Variants in ODF2 observed in about 807,000 individuals in gnomAD.
ODF2 encodes outer dense fiber protein 2.
In ODF2, 47 loss-of-function variants were observed where a neutral mutation model predicts 110.2. That is an observed-to-expected ratio of 0.43 (90% CI 0.34 to 0.54). ODF2 has a LOEUF of 0.54. ODF2 is among the 20% of genes least tolerant of loss of function. ODF2 has a pLI of 0.03. For synonymous variants in ODF2, 352 were observed against 397.7 expected, an observed-to-expected ratio of 0.89 and a Z score of 1.37; for missense variants, 812 against 1,054.5, an observed-to-expected ratio of 0.77 and a Z score of 3.19.
At chr9:128,467,267 T>A (rs998681009) in intron 4 of ODF2, among the ~76,000 whole-genome samples, 2 of 151,002 alleles carry the variant, frequency 1.3e-5, no homozygotes, top group African/African-American at 2.4e-5. Context: ...ACTAACACAA[T>A]GGTAAGTATT....
intron 1 of ODF2, chr9:128,457,099 G>A (rs1028852140): frequency 2.2e-6 from 3 of 1,375,378 alleles, no homozygotes; most frequent in East Asian, 3.4e-5. Flanking sequence ...GGACCCGGGC[G>A]CGGTGGTCCT....
At chr9:128,469,243 C>T (rs1410026270) in exon 5 of ODF2, 3 of 1,614,052 alleles carry the variant, frequency 1.9e-6, no homozygotes, top group Non-Finnish European at 2.5e-6. Flanking sequence ...CTCAGTGATG[C>T]GGTTAAGTGA....
At chr9:128,466,353 G>C (rs1167703684) in intron 4 of ODF2, among the ~76,000 whole-genome samples, 1 of 151,768 alleles carries the variant, frequency 6.6e-6, no homozygotes. Flanking sequence ...TGTGGTCCCA[G>C]CTACTTGGGA....
chr9:128,460,591 T>C (rs1206986951), intron 3 of ODF2: 3 of 1,613,992 alleles, frequency 1.9e-6, no homozygotes, highest in Non-Finnish European at 2.5e-6. Flanking sequence ...CCCCCTTACA[T>C]GTTCACGTGG....
chr9:128,497,056 G>A (rs1046647437), intron 18 of ODF2, among the ~76,000 whole-genome samples: 2 of 152,044 alleles, frequency 1.3e-5, no homozygotes, highest in African/African-American at 4.8e-5. Flanking sequence ...GTGGTGGTGT[G>A]AGTCTTCAAT....
At chr9:128,469,446 G>T in intron 5 of ODF2, 93 bp downstream of exon 5, 1 of 1,381,164 alleles carries the variant, frequency 7.2e-7, no homozygotes, top group Non-Finnish European at 1.0e-6. Flanking sequence ...GCCTGCGTCT[G>T]CAGGCCTTCA....
rs532215377 is a variant in ODF2 at position 128,467,825 on chromosome 9, A to G, written c.250-1358A>G. 3.0e-4 allele frequency among the ~76,000 whole-genome samples: 45 copies of G among 152,028 alleles called. 1 individual carries two copies. Among genetic ancestry groups the G allele is most frequent in the African/African-American group, 1.1e-3 (44 of 41,508 alleles). On this transcript the variant is annotated intron_variant, in intron 4 of 20. Transcript: ENST00000604420. Reference sequence around the variant, plus strand: ...CATATATGCATTTTAAAATATTTAAAAAAATATTTAAAAAGCTGAGACTAC... The same window carrying G: ...CATATATGCATTTTAAAATATTTAAGAAAATATTTAAAAAGCTGAGACTAC...
intron 17 of ODF2, among the ~76,000 whole-genome samples, chr9:128,495,150 C>G (rs969245778): frequency 3.3e-5 from 5 of 152,240 alleles, no homozygotes; most frequent in Non-Finnish European, 7.3e-5. Flanking sequence ...ATGCCTACGG[C>G]CTGCAGTGTC....
intron 8 of ODF2, 31 bp downstream of exon 8, chr9:128,473,772 GCT>G: frequency 6.3e-7 from 1 of 1,591,730 alleles, no homozygotes; most frequent in Non-Finnish European, 8.6e-7. Context: ...TTTCCCTCCA[GCT>G]CTGCATGCCC....
intron 13 of ODF2, among the ~76,000 whole-genome samples, chr9:128,487,660 G>A (rs1461500818): frequency 9.9e-5 from 15 of 152,040 alleles, no homozygotes. Flanking sequence ...GGCGGTGGGC[G>A]CCTGTAGTCC....
chr9:128,461,131 C>A, intron 4 of ODF2, 64 bp downstream of exon 4: 1 of 1,569,878 alleles, frequency 6.4e-7, no homozygotes, highest in Non-Finnish European at 8.6e-7. Flanking sequence ...GCCTCAGCCT[C>A]GGTATGATTC....
At chr9:128,486,672 G>A (rs964587348) in intron 13 of ODF2, among the ~76,000 whole-genome samples, 6 of 152,214 alleles carry the variant, frequency 3.9e-5, no homozygotes, top group Admixed American at 2.6e-4. Flanking sequence ...GCAGCAGCAG[G>A]GAGCAGAAGG....
chr9:128,474,659 T>TAAAA (rs751359242), intron 8 of ODF2, among the ~76,000 whole-genome samples: 1 of 134,068 alleles, frequency 7.5e-6, no homozygotes, highest in Admixed American at 7.5e-5. Context: ...AGACTCCATC[T>TAAAA]AAAAAAAAAA....
rs1564475663 is a variant in ODF2 at position 128,470,007 on chromosome 9, AAAAAAAAAAAAATATATATAT to A, written c.420+656_420+676del. On this transcript the variant is annotated intron_variant, in intron 5 of 20. Coordinates refer to ENST00000604420, the Ensembl canonical transcript of ODF2. ...TCAAAAAAAAAAAAAAAAAAAAAAA[AAAAAAAAAAAAATATATATAT>A]ATATATATATATATATATAAATAAA... Among the ~76,000 whole-genome samples, 10 of 57,850 alleles carry A rather than the reference AAAAAAAAAAAAATATATATAT, an allele frequency of 1.7e-4. 1 individual carries two copies. Among genetic ancestry groups the A allele is most frequent in the Admixed American group, 5.0e-4 (2 of 4,032 alleles). 38.0% of individuals were successfully genotyped at this position (57,850 alleles called of 152,430 possible).
chr9:128,478,604 GAA>G (rs781321155), intron 8 of ODF2, among the ~76,000 whole-genome samples: 4 of 136,646 alleles, frequency 2.9e-5, no homozygotes, highest in Admixed American at 7.3e-5. Context: ...TCTCAAAAAG[GAA>G]AAAAAAAAAA....
intron 2 of ODF2, chr9:128,457,522 A>G: frequency 6.8e-7 from 1 of 1,463,846 alleles, no homozygotes; most frequent in South Asian, 1.4e-5. Flanking sequence ...TGAGGCTTCC[A>G]GCTTCCTCAT....
intron 5 of ODF2, 110 bp from the exon 6 acceptor site, chr9:128,471,198 G>A (rs1442748168): frequency 1.8e-5 from 20 of 1,142,808 alleles, no homozygotes; most frequent in Non-Finnish European, 3.7e-6. Context: ...ACAGGCGTGA[G>A]CCACCACGCC....
chr9:128,488,253 T>C (rs1178135101), intron 14 of ODF2, among the ~76,000 whole-genome samples: 2 of 151,912 alleles, frequency 1.3e-5, no homozygotes, highest in Non-Finnish European at 2.9e-5. Context: ...GGCAAAATCC[T>C]GTGTCTGCAA....
chr9:128,500,362 G>C, exon 21 of ODF2: 1 of 1,121,938 alleles, frequency 8.9e-7, no homozygotes, highest in Non-Finnish European at 1.3e-6. Flanking sequence ...GAAAAAATGG[G>C]TTCAGGGTCT....
Sources: allele counts gnomAD v4.1 joint callset (sites outside exome capture counted in the v4.1 genomes callset), GRCh38; gene constraint gnomAD v4.1.1; transcripts MANE v1.5; gene names NCBI Gene and HGNC (gene_info 2026-07-23, HGNC 2026-07-21).